RGS3: variants seen among roughly 807,000 people sequenced by gnomAD.
The protein encoded by RGS3 is regulator of G-protein signalling 3.
RGS3 carries 80 observed loss-of-function variants against 132.6 expected under a neutral mutation model. The ratio of observed to expected loss-of-function variants is 0.60; its 90% CI spans 0.50 to 0.73. The LOEUF is 0.73. Among genes scored for constraint, RGS3 ranks in the 30% least tolerant of loss-of-function variants. The pLI is 0.00. For missense variants in RGS3, 1,382 were observed against 1,530.8 expected, an observed-to-expected ratio of 0.90 and a Z score of 1.62; for synonymous variants, 598 against 620.6, an observed-to-expected ratio of 0.96 and a Z score of 0.54.
At chr9:113,554,482 T>A (rs553041265) in intron 19 of RGS3, among the ~76,000 whole-genome samples, 1 of 152,190 alleles carries the variant, frequency 6.6e-6, no homozygotes, top group African/African-American at 2.4e-5. Flanking sequence ...CATTTTTGTA[T>A]TTTTAGTAGA....
chr9:113,460,979 GTA>G (rs1331915479), intron 1 of RGS3, among the ~76,000 whole-genome samples: 1 of 152,074 alleles, frequency 6.6e-6, no homozygotes, highest in Non-Finnish European at 1.5e-5. Flanking sequence ...TATATGTAGT[GTA>G]TGTGTTTTGT....
chr9:113,595,661 T>C, exon 24 of RGS3: 1 of 1,614,206 alleles, frequency 6.2e-7, no homozygotes, highest in Non-Finnish European at 8.5e-7. Flanking sequence ...TCTGGAGTTC[T>C]GGTTGGCTTG....
chr9:113,577,773 C>T (rs566185773), intron 19 of RGS3, among the ~76,000 whole-genome samples: 17 of 152,298 alleles, frequency 1.1e-4, no homozygotes, highest in African/African-American at 3.8e-4. Context: ...CACAGGGCGG[C>T]CTTCCCAACA....
At chr9:113,596,200 G>T (rs1352829503) in intron 24 of RGS3, among the ~76,000 whole-genome samples, 1 of 152,208 alleles carries the variant, frequency 6.6e-6, no homozygotes, top group Non-Finnish European at 1.5e-5. Flanking sequence ...CAGGTGTGGT[G>T]ATGGGCGCCT....
intron 18 of RGS3, among the ~76,000 whole-genome samples, chr9:113,532,601 G>T (rs957970524): frequency 1.3e-5 from 2 of 152,170 alleles, no homozygotes; most frequent in African/African-American, 2.4e-5. Flanking sequence ...CATGGGGCAG[G>T]GCAGCAGAGG....
intron 19 of RGS3, among the ~76,000 whole-genome samples, chr9:113,574,228 C>T (rs1004287110): frequency 6.6e-6 from 1 of 152,232 alleles, no homozygotes; most frequent in South Asian, 2.1e-4. Flanking sequence ...TTCAGGGTAA[C>T]GTTGGAATTC....
At chr9:113,462,278 G>A (rs996652442) in intron 3 of RGS3, 28 of 453,900 alleles carry the variant, frequency 6.2e-5, no homozygotes, top group Middle Eastern at 1.4e-3. Context: ...CCATGTGTGT[G>A]TGTAACCGGG....
chr9:113,519,834 G>A (rs12342699), intron 16 of RGS3, among the ~76,000 whole-genome samples: 17,726 of 152,012 alleles, frequency 0.12, 1,206 homozygotes, highest in African/African-American at 0.18. Context: ...ATCCAGTCCC[G>A]CACCGTGAAC....
intron 21 of RGS3, chr9:113,594,160 G>A: frequency 6.2e-7 from 1 of 1,613,094 alleles, no homozygotes; most frequent in Non-Finnish European, 8.5e-7. Flanking sequence ...GAGAGCGTGT[G>A]TGGCTGCAGC....
At chr9:113,491,668 C>T (rs551496509) in intron 7 of RGS3, among the ~76,000 whole-genome samples, 1 of 152,050 alleles carries the variant, frequency 6.6e-6, no homozygotes, top group African/African-American at 2.4e-5. Context: ...GATTCTTCTG[C>T]CTCAGCCTTC....
chr9:113,553,436 C>A (rs1833421771), intron 19 of RGS3, among the ~76,000 whole-genome samples: 1 of 8,890 alleles, frequency 1.1e-4, no homozygotes, highest in Non-Finnish European at 1.9e-4. Flanking sequence ...GAGGGAAACT[C>A]TGTTTAAAAA....
At chr9:113,469,961 AG>A (rs1829779581) in intron 3 of RGS3, among the ~76,000 whole-genome samples, 1 of 147,042 alleles carries the variant, frequency 6.8e-6, no homozygotes, top group Non-Finnish European at 1.5e-5. Flanking sequence ...ACCAGGCTGG[AG>A]TGCAGTGGCG....
intron 3 of RGS3, among the ~76,000 whole-genome samples, chr9:113,473,712 C>A (rs1449245291): frequency 1.3e-5 from 2 of 152,174 alleles, no homozygotes; most frequent in Non-Finnish European, 2.9e-5. Context: ...TAATAATCTT[C>A]AGCTTCCTTG....
At chr9:113,543,517 C>T (rs1832986343) in intron 19 of RGS3, among the ~76,000 whole-genome samples, 1 of 152,150 alleles carries the variant, frequency 6.6e-6, no homozygotes, top group South Asian at 2.1e-4. Context: ...AGGGCTCAGC[C>T]CGCGGGGGGG....
chr9:113,498,725 G>A (rs1177855428), intron 10 of RGS3, among the ~76,000 whole-genome samples: 1 of 152,056 alleles, frequency 6.6e-6, no homozygotes, highest in Non-Finnish European at 1.5e-5. Flanking sequence ...GACCAGCCTG[G>A]CCAACACGGT....
intron 19 of RGS3, among the ~76,000 whole-genome samples, chr9:113,562,725 G>A (rs1004572458): frequency 6.6e-6 from 1 of 152,198 alleles, no homozygotes; most frequent in African/African-American, 2.4e-5. Context: ...GTACTGAACA[G>A]CACCATCATT....
chr9:113,516,942 G>A (rs927678941), intron 15 of RGS3, among the ~76,000 whole-genome samples: 1 of 152,252 alleles, frequency 6.6e-6, no homozygotes, highest in African/African-American at 2.4e-5. Context: ...GACAAGTCCT[G>A]CTGGGTAATC....
chr9:113,513,343 C>T (rs908762646), intron 14 of RGS3, among the ~76,000 whole-genome samples: 4 of 152,140 alleles, frequency 2.6e-5, no homozygotes, highest in African/African-American at 7.2e-5. Flanking sequence ...TGGGGGTGGT[C>T]TTGTTTCTCT....
chr9:113,594,861 C>T lies in RGS3; in HGVS notation c.3183-58C>T, dbSNP rs182520919. On this transcript the variant is annotated intron_variant, in intron 22 of 24. Coordinates refer to ENST00000350696, the Ensembl canonical transcript of RGS3. ...AAACAAAGGCCGCCTGGCCCAGCTT[C>T]CCCCAAGGTTCCCAAGCCTCTCAGT... 2,008 of 1,544,724 alleles carry T rather than the reference C, an allele frequency of 1.3e-3. 8 individuals carry two copies. The highest frequency in any genetic ancestry group is 8.3e-4 in the Non-Finnish European group (933 of 1,117,892).
Sources: gnomAD v4.1 joint callset for allele counts (sites outside exome capture counted in the v4.1 genomes callset) on GRCh38, gnomAD v4.1.1 for gene constraint, MANE v1.5 for transcripts, NCBI Gene and HGNC (gene_info 2026-07-23, HGNC 2026-07-21) for gene names.